Variants in NOL4 observed in about 807,000 individuals in gnomAD.
NOL4 encodes cancer/testis antigen 125.
NOL4 carries 17 observed loss-of-function variants against 75.9 expected under a neutral mutation model. The observed-to-expected ratio is 0.22, with a 90% confidence interval of 0.15 to 0.34. The LOEUF (loss-of-function observed/expected upper bound fraction) is 0.34, where lower values mean the gene tolerates loss of function less well. Ranked by LOEUF, NOL4 falls within the 10% of genes least tolerant of loss-of-function variation. The pLI is 1.00. For synonymous variants in NOL4, 292 were observed against 289.9 expected, an observed-to-expected ratio of 1.01 and a Z score of -0.07; for missense variants, 614 against 793.5, an observed-to-expected ratio of 0.77 and a Z score of 2.72.
rs551890070 is a variant in NOL4, at chr18:34,080,273, A to C, written c.772+13192T>G. Among the ~76,000 whole-genome samples, 14 of 152,262 alleles carry C rather than the reference A, an allele frequency of 9.2e-5. No homozygotes were observed. The South Asian group carries it at 2.9e-3, about 32-fold the overall frequency. ...AAGACTCCTCTTCCAGTTTGTAGTT[A>C]TACATATATTCCTATAGTTATCTAA... On this transcript the variant is annotated intron_variant, in intron 5 of 10. Coordinates refer to ENST00000261592, the MANE Select transcript of NOL4 (RefSeq NM_003787.5).
At chr18:34,015,737 C>T (rs2074651516) in intron 6 of NOL4, among the ~76,000 whole-genome samples, 1 of 152,132 alleles carries the variant, frequency 6.6e-6, no homozygotes, top group Non-Finnish European at 1.5e-5. Flanking sequence ...CCCCCGAATG[C>T]CTATTAAATA....
At chr18:34,203,382 C>A (rs539172710) in intron 1 of NOL4, among the ~76,000 whole-genome samples, 1 of 151,842 alleles carries the variant, frequency 6.6e-6, no homozygotes, top group Non-Finnish European at 1.5e-5. Context: ...GGTGGATACA[C>A]AAACCCATAA....
chr18:33,873,982 A>C (rs2063817695), intron 10 of NOL4, among the ~76,000 whole-genome samples: 3 of 151,990 alleles, frequency 2.0e-5, no homozygotes, highest in African/African-American at 7.2e-5. Flanking sequence ...AGATAACCCC[A>C]GAGACAGGTA....
chr18:33,863,809 CT>C (rs1214171079), intron 10 of NOL4, among the ~76,000 whole-genome samples: 1 of 152,188 alleles, frequency 6.6e-6, no homozygotes, highest in Non-Finnish European at 1.5e-5. Context: ...CCAAATTTCC[CT>C]TCCACACAGC....
intron 5 of NOL4, among the ~76,000 whole-genome samples, chr18:34,043,342 TA>T (rs1228876167): frequency 6.6e-6 from 1 of 152,098 alleles, no homozygotes; most frequent in Non-Finnish European, 1.5e-5. Context: ...GTTTTCCTAT[TA>T]AAGCTCCAAT....
intron 10 of NOL4, among the ~76,000 whole-genome samples, chr18:33,878,003 G>C (rs906108208): frequency 6.6e-6 from 1 of 152,014 alleles, no homozygotes; most frequent in Admixed American, 6.6e-5. Flanking sequence ...AACTTCAGGT[G>C]AGTAGACCTT....
chr18:34,118,183 T>C (rs1010382374), intron 2 of NOL4, among the ~76,000 whole-genome samples: 4 of 152,222 alleles, frequency 2.6e-5, no homozygotes, highest in African/African-American at 9.6e-5. Context: ...ATAATGGCTT[T>C]ATTTAACTAG....
intron 6 of NOL4, among the ~76,000 whole-genome samples, chr18:33,989,679 C>G (rs1304344394): frequency 6.6e-6 from 1 of 152,022 alleles, no homozygotes; most frequent in African/African-American, 2.4e-5. Flanking sequence ...GGAAGTATAA[C>G]AATTCATCAT....
intron 10 of NOL4, among the ~76,000 whole-genome samples, chr18:33,863,678 A>T (rs1413558206): frequency 6.6e-6 from 1 of 152,146 alleles, no homozygotes; most frequent in African/African-American, 2.4e-5. Context: ...GCATTGAGTG[A>T]CTGAGGCTTT....
intron 1 of NOL4, among the ~76,000 whole-genome samples, chr18:34,199,549 T>C (rs2035586468): frequency 6.6e-6 from 1 of 151,938 alleles, no homozygotes; most frequent in Non-Finnish European, 1.5e-5. Flanking sequence ...ATGTAGTTTT[T>C]AACTTCACTG....
intron 1 of NOL4, among the ~76,000 whole-genome samples, chr18:34,198,610 A>G (rs1401156144): frequency 6.6e-6 from 1 of 151,808 alleles, no homozygotes; most frequent in Admixed American, 6.6e-5. Context: ...TGCAACTTTA[A>G]AAAAAATTGC....
At chr18:33,921,869 TA>T in intron 9 of NOL4, among the ~76,000 whole-genome samples, 2 of 152,292 alleles carry the variant, frequency 1.3e-5, no homozygotes, top group South Asian at 4.1e-4. Context: ...CCCCTTTTAG[TA>T]ACTGTATCTG....
At chr18:34,043,070 T>A (rs1269992160) in intron 5 of NOL4, among the ~76,000 whole-genome samples, 1 of 151,992 alleles carries the variant, frequency 6.6e-6, no homozygotes, top group Non-Finnish European at 1.5e-5. Flanking sequence ...GTTTGCAGAG[T>A]AGCTAGCCCA....
intron 10 of NOL4, among the ~76,000 whole-genome samples, chr18:33,867,891 A>G (rs781236954): frequency 6.6e-6 from 1 of 152,054 alleles, no homozygotes; most frequent in African/African-American, 2.4e-5. Flanking sequence ...CTCCAAAAGT[A>G]AAAAAAGACC....
intron 6 of NOL4, among the ~76,000 whole-genome samples, chr18:33,971,083 T>C (rs549123085): frequency 1.8e-4 from 27 of 152,316 alleles, no homozygotes; most frequent in Non-Finnish European, 3.1e-4. Context: ...ATTTTACATG[T>C]ATAATAATTG....
At position 34,223,040 on chromosome 18, in the gene NOL4, C is replaced by G. The variant is rs890471029; in HGVS notation, c.214G>C (p.Gly72Arg). The change falls in exon 1 of 11, where the codon GGG (glycine) becomes CGG (arginine). Residue 72 changes from glycine (G) to arginine (R), a missense_variant. Gly to Arg is a moderately radical substitution (Grantham distance 125, BLOSUM62 -2). Coordinates refer to ENST00000261592, the MANE Select transcript of NOL4 (RefSeq NM_003787.5). ...ACTTGCTTGGCGCCGCCGCCTCCCC[C>G]GCGGACCTCGTCCGGCTGGCCCAGC... Reference protein sequence around the residue: ...FQLGQPDEVRGGGGGAKQVLY... With the variant: ...FQLGQPDEVRRGGGGAKQVLY... 8 of 1,613,500 alleles carry G rather than the reference C, an allele frequency of 5.0e-6. No homozygotes were observed. The highest frequency in any genetic ancestry group is 6.8e-6 in the Non-Finnish European group (8 of 1,180,022).
intron 1 of NOL4, among the ~76,000 whole-genome samples, chr18:34,162,674 T>G (rs1022579749): frequency 1.1e-4 from 16 of 152,328 alleles, no homozygotes; most frequent in African/African-American, 3.1e-4. Flanking sequence ...AAGGAGGAAC[T>G]GGTACTATTC....
chr18:33,893,743 A>G (rs1194576430), intron 9 of NOL4, among the ~76,000 whole-genome samples: 1 of 152,042 alleles, frequency 6.6e-6, no homozygotes, highest in Non-Finnish European at 1.5e-5. Flanking sequence ...ATTTTACCTG[A>G]TATTTTTATA....
intron 2 of NOL4, among the ~76,000 whole-genome samples, chr18:34,106,178 A>G (rs1600607996): frequency 6.6e-6 from 1 of 152,100 alleles, no homozygotes; most frequent in African/African-American, 2.4e-5. Flanking sequence ...TGTATTTTAA[A>G]TTAGTAAAAA....
Sources: gnomAD v4.1 joint callset for allele counts (sites outside exome capture counted in the v4.1 genomes callset) on GRCh38, gnomAD v4.1.1 for gene constraint, MANE v1.5 for transcripts, NCBI Gene and HGNC (gene_info 2026-07-23, HGNC 2026-07-21) for gene names.